ABLIM2: variants seen among roughly 807,000 people sequenced by gnomAD.
The protein encoded by ABLIM2 is actin-binding LIM protein 2.
Under a neutral mutation model 97.7 loss-of-function variants are expected in ABLIM2, and 53 were observed. The ratio of observed to expected loss-of-function variants is 0.54; its 90% CI spans 0.44 to 0.68. The LOEUF (loss-of-function observed/expected upper bound fraction) is 0.68, where lower values mean the gene tolerates loss of function less well. Among genes scored for constraint, ABLIM2 ranks in the 30% least tolerant of loss-of-function variants. The pLI is 0.00. For missense variants in ABLIM2, 835 were observed against 867.2 expected, an observed-to-expected ratio of 0.96 and a Z score of 0.47; for synonymous variants, 361 against 345.8, an observed-to-expected ratio of 1.04 and a Z score of -0.49.
At chr4:8,053,012 G>C (rs916320602) in intron 8 of ABLIM2, among the ~76,000 whole-genome samples, 12 of 152,160 alleles carry the variant, frequency 7.9e-5, no homozygotes, top group African/African-American at 1.4e-4. Context: ...CTCAGGTCCT[G>C]GACCACCAGC....
chr4:8,086,549 T>C (rs1208184746), intron 4 of ABLIM2, among the ~76,000 whole-genome samples: 3 of 152,216 alleles, frequency 2.0e-5, no homozygotes, highest in South Asian at 4.2e-4. Flanking sequence ...GGCCTCACCA[T>C]GTCCAGGCTG....
intron 3 of ABLIM2, among the ~76,000 whole-genome samples, chr4:8,090,324 C>A (rs1316889677): frequency 1.3e-5 from 2 of 152,216 alleles, no homozygotes; most frequent in Non-Finnish European, 2.9e-5. Context: ...ACAAGCTACT[C>A]AGCCTCTCTG....
chr4:8,005,831 T>C lies in ABLIM2; in HGVS notation c.1618+2228A>G, dbSNP rs1760925709. ...AAGGAAGGACAGCATCATAGCCACATCTTCATAAGCAGGCATGGCCAGGGG... is the reference window on the plus strand; with the variant it reads ...AAGGAAGGACAGCATCATAGCCACACCTTCATAAGCAGGCATGGCCAGGGG... On this transcript the variant is annotated intron_variant, in intron 16 of 20. Coordinates refer to ENST00000447017, the MANE Select transcript of ABLIM2 (RefSeq NM_001130083.2). The surrounding 1 kb of genome is among the most constrained non-coding windows in gnomAD (Gnocchi z 4.9). Among the ~76,000 whole-genome samples, 2 of 152,194 alleles carry C rather than the reference T, an allele frequency of 1.3e-5. No homozygotes were observed. The highest frequency in any genetic ancestry group is 4.1e-4 in the South Asian group (2 of 4,830).
intron 2 of ABLIM2, among the ~76,000 whole-genome samples, chr4:8,098,418 A>G (rs1832785189): frequency 6.6e-6 from 1 of 152,246 alleles, no homozygotes; most frequent in Non-Finnish European, 1.5e-5. Flanking sequence ...TAACTGTTAC[A>G]TCATTCCTTT....
chr4:8,040,025 G>A (rs77360224), intron 9 of ABLIM2, among the ~76,000 whole-genome samples: 2,872 of 152,268 alleles, frequency 0.019, 48 homozygotes, highest in Middle Eastern at 0.02. Context: ...ACGAGGCCCA[G>A]TCCCTGCCCG....
chr4:8,029,589 A>T, intron 11 of ABLIM2, 67 bp downstream of exon 11: 1 of 1,189,820 alleles, frequency 8.4e-7, no homozygotes, highest in Admixed American at 3.7e-5. Flanking sequence ...AAAAAACTAA[A>T]AAAAAAAAAA....
Position 8,022,063 on chromosome 4 carries a change from C to T in ABLIM2, c.1268-1760G>A, listed in dbSNP as rs1414604120. The stretch of plus-strand genomic sequence containing the variant: ...CGTGCCCGGAAAGGACACCGCGGAT[C>T]CCTCCTACCGACTACGGCTGTGCTG... On this transcript the variant is annotated intron_variant, in intron 12 of 20. Coordinates refer to ENST00000447017, the MANE Select transcript of ABLIM2 (RefSeq NM_001130083.2). The surrounding 1 kb of genome is among the most constrained non-coding windows in gnomAD (Gnocchi z 7.8). 6.6e-6 allele frequency among the ~76,000 whole-genome samples: 1 copy of T among 152,178 alleles called. No homozygotes were observed. Among genetic ancestry groups the T allele is most frequent in the Non-Finnish European group, 1.5e-5 (1 of 68,028 alleles).
chr4:8,090,834 G>A (rs914463702), intron 3 of ABLIM2, among the ~76,000 whole-genome samples: 7 of 151,958 alleles, frequency 4.6e-5, no homozygotes, highest in African/African-American at 1.5e-4. Flanking sequence ...TGAGGACGGA[G>A]CAGTGTCCAT....
chr4:8,072,048 C>T lies in ABLIM2; in HGVS notation c.675+5580G>A. 1 of 985,466 alleles carries T rather than the reference C, an allele frequency of 1.0e-6. No homozygotes were observed. The highest frequency in any genetic ancestry group is 1.2e-6 in the Non-Finnish European group (1 of 829,966). 61.0% of individuals were successfully genotyped at this position (985,466 alleles called of 1,614,324 possible). ...TTGCACCCGGGGAGGATGCTCAGAG[C>T]TGTGCAGAGCCCGCCGACTCAGCCA... On this transcript the variant is annotated intron_variant, in intron 6 of 20. Transcript: ENST00000447017. The surrounding 1 kb of genome is among the most constrained non-coding windows in gnomAD (Gnocchi z 5.8).
chr4:8,102,825 T>C (rs937680882), intron 2 of ABLIM2, among the ~76,000 whole-genome samples: 1 of 152,188 alleles, frequency 6.6e-6, no homozygotes, highest in African/African-American at 2.4e-5. Context: ...ACGGCCATGA[T>C]TGGGCTAAGT....
intron 17 of ABLIM2, among the ~76,000 whole-genome samples, chr4:7,985,327 G>A (rs1391530629): frequency 3.3e-5 from 5 of 152,282 alleles, no homozygotes; most frequent in Admixed American, 1.3e-4. Flanking sequence ...CCCTCCACAT[G>A]GTGGGTTCCT....
intron 6 of ABLIM2, among the ~76,000 whole-genome samples, chr4:8,073,410 G>A (rs185527808): frequency 4.7e-4 from 71 of 151,920 alleles, no homozygotes; most frequent in African/African-American, 1.6e-3. Flanking sequence ...TGTTCTTCGC[G>A]GAGAACGGAA....
chr4:8,013,055 C>T (rs1455217982), intron 14 of ABLIM2, among the ~76,000 whole-genome samples: 2 of 152,008 alleles, frequency 1.3e-5, no homozygotes, highest in African/African-American at 2.4e-5. Flanking sequence ...CCAGTGAAGT[C>T]GAGGCAGAGG....
intron 8 of ABLIM2, among the ~76,000 whole-genome samples, chr4:8,053,435 G>C (rs537140921): frequency 2.3e-4 from 35 of 152,276 alleles, no homozygotes; most frequent in African/African-American, 7.7e-4. Flanking sequence ...GCTGTGTCAC[G>C]GGTGCACATC....
chr4:8,013,715 G>C (rs1021162458), intron 14 of ABLIM2, among the ~76,000 whole-genome samples: 3 of 152,152 alleles, frequency 2.0e-5, no homozygotes, highest in African/African-American at 7.2e-5. Context: ...TCAGACTCAG[G>C]GCTGCATCGC....
chr4:8,006,633 C>A (rs1578456065), intron 16 of ABLIM2, among the ~76,000 whole-genome samples: 2 of 152,340 alleles, frequency 1.3e-5, no homozygotes, highest in African/African-American at 4.8e-5. Context: ...GCAGATGGGC[C>A]ATGAGCCAGG....
At position 7,975,473 on chromosome 4, in the gene ABLIM2, C is replaced by T. The variant is rs34531374; in HGVS notation, c.1824+7791G>A. On this transcript the variant is annotated intron_variant, in intron 20 of 20. Coordinates refer to ENST00000447017, the MANE Select transcript of ABLIM2 (RefSeq NM_001130083.2). The stretch of plus-strand genomic sequence containing the variant: ...CTCTAACTGAACACCTACTATGTGC[C>T]GCGTGGCACCTTTCACTGCTGCGTG... Among the ~76,000 whole-genome samples, 1,514 of 152,288 alleles carry T rather than the reference C, an allele frequency of 9.9e-3. 12 individuals are homozygous for T. Among genetic ancestry groups the T allele is most frequent in the Middle Eastern group, 0.02 (6 of 294 alleles).
chr4:8,125,549 C>T lies in ABLIM2; in HGVS notation c.11-18912G>A, dbSNP rs921082592. Among the ~76,000 whole-genome samples, 2 of 152,050 alleles carry T rather than the reference C, an allele frequency of 1.3e-5. No homozygotes were observed. Among genetic ancestry groups the T allele is most frequent in the African/African-American group, 4.8e-5 (2 of 41,392 alleles). Reference sequence around the variant, plus strand: ...CGTTGACGGTCTGGTCCATCTACCACAGTCGATCTGCAGTGCTGATGGCCA... The same window carrying T: ...CGTTGACGGTCTGGTCCATCTACCATAGTCGATCTGCAGTGCTGATGGCCA... On this transcript the variant is annotated intron_variant, in intron 1 of 20. Transcript: ENST00000447017. The surrounding 1 kb of genome is among the most constrained non-coding windows in gnomAD (Gnocchi z 6.2).
At chr4:7,981,005 AC>A (rs1737905120) in intron 20 of ABLIM2, among the ~76,000 whole-genome samples, 1 of 128,854 alleles carries the variant, frequency 7.8e-6, no homozygotes, top group South Asian at 2.5e-4. Context: ...GTGCTGTGGC[AC>A]GATCTCGGCT....
Sources: allele counts gnomAD v4.1 joint callset (sites outside exome capture counted in the v4.1 genomes callset), GRCh38; gene constraint gnomAD v4.1.1; non-coding constraint Gnocchi (gnomAD v3.1); transcripts MANE v1.5; gene names NCBI Gene and HGNC (gene_info 2026-07-23, HGNC 2026-07-21).